The following SPECC1L variants were observed in gnomAD, a reference collection of about 807,000 sequenced individuals.
SPECC1L encodes the protein cytospin-A.
In SPECC1L, 40 loss-of-function variants were observed where a neutral mutation model predicts 116.8. The observed-to-expected ratio is 0.34, with a 90% CI of 0.27 to 0.45. The LOEUF is 0.45. SPECC1L is among the 20% of genes least tolerant of loss of function. The probability of loss-of-function intolerance (pLI) is 1.00; values close to 1 mark genes in which losing one functional copy is unlikely to be tolerated. For synonymous variants in SPECC1L, 504 were observed against 500.6 expected (o/e 1.01, Z -0.09); for missense variants, 1,110 against 1,373.6 (o/e 0.81, Z 3.03).
chr22:24,343,722 A>G (rs549993099), intron 10 of SPECC1L: 4 of 169,114 alleles, frequency 2.4e-5, no homozygotes, highest in South Asian at 2.0e-4. Context: ...CGGCCTCCCA[A>G]AGTGAGCCAC....
intron 3 of SPECC1L, among the ~76,000 whole-genome samples, chr22:24,302,645 G>A (rs2049404463): frequency 6.6e-6 from 1 of 152,168 alleles, no homozygotes; most frequent in African/African-American, 2.4e-5. Flanking sequence ...TGTGTGAGCT[G>A]GAGGTACAGT....
At chr22:24,291,941 T>C (rs2049164222) in intron 2 of SPECC1L, among the ~76,000 whole-genome samples, 1 of 152,170 alleles carries the variant, frequency 6.6e-6, no homozygotes, top group Admixed American at 6.5e-5. Flanking sequence ...ATTTAAATGG[T>C]TTTAAATAGC....
At chr22:24,412,396 G>A (rs564195553) in intron 15 of SPECC1L, 7 of 581,010 alleles carry the variant, frequency 1.2e-5, no homozygotes, top group African/African-American at 1.1e-4. Context: ...GGCAGAAGTA[G>A]GATTCTTCAG....
At chr22:24,379,925 A>C (rs929353573) in intron 14 of SPECC1L, among the ~76,000 whole-genome samples, 4 of 152,200 alleles carry the variant, frequency 2.6e-5, no homozygotes, top group African/African-American at 9.6e-5. Flanking sequence ...GTGCAATGGC[A>C]CAATCTCGGC....
chr22:24,380,534 T>G (rs1399673175), intron 14 of SPECC1L, among the ~76,000 whole-genome samples: 1 of 152,216 alleles, frequency 6.6e-6, no homozygotes, highest in Non-Finnish European at 1.5e-5. Flanking sequence ...TTTCGTTAAC[T>G]CTCTTAAGAG....
chr22:24,388,852 G>T (rs371378882), intron 14 of SPECC1L, among the ~76,000 whole-genome samples: 22 of 151,984 alleles, frequency 1.4e-4, no homozygotes, highest in African/African-American at 4.8e-4. Flanking sequence ...TACAACTCCC[G>T]TACCATACAA....
chr22:24,273,100 T>A (rs1257348653), intron 1 of SPECC1L, among the ~76,000 whole-genome samples: 2 of 152,226 alleles, frequency 1.3e-5, no homozygotes, highest in Non-Finnish European at 2.9e-5. Flanking sequence ...TGTATCAAAA[T>A]TTCTGTTTCA....
At position 24,393,434 on chromosome 22, in the gene SPECC1L, A is replaced by G. The variant is rs372562566; in HGVS notation, c.3088-18154A>G. Among the ~76,000 whole-genome samples the G allele has an allele frequency of 2.0e-5, 3 of 152,156 alleles. No individual in the cohort carries two copies. In the South Asian group the frequency reaches 6.2e-4, roughly 32 times the overall value. The stretch of plus-strand genomic sequence containing the variant: ...CTTTCTAGTGATTCACCTAAGATTT[A>G]GCTTATACCCTGGAACACACAAGAT... On this transcript the variant is annotated intron_variant, in intron 14 of 16. Coordinates refer to ENST00000314328, the MANE Select transcript of SPECC1L (RefSeq NM_015330.6).
intron 3 of SPECC1L, among the ~76,000 whole-genome samples, chr22:24,309,136 G>GACAC (rs138903918): frequency 0.17 from 25,329 of 150,906 alleles, 2,544 homozygotes; most frequent in Admixed American, 0.23. Context: ...TTGCTTTTGG[G>GACAC]ACACACACAC....
At chr22:24,373,890 A>G (rs1475565268) in intron 14 of SPECC1L, among the ~76,000 whole-genome samples, 1 of 152,226 alleles carries the variant, frequency 6.6e-6, no homozygotes, top group Non-Finnish European at 1.5e-5. Context: ...ACAAAGGGCT[A>G]ATATCCAGAA....
chr22:24,297,096 C>T (rs1466964113), intron 2 of SPECC1L, among the ~76,000 whole-genome samples: 58 of 148,780 alleles, frequency 3.9e-4, no homozygotes, highest in African/African-American at 1.4e-3. Context: ...CCACCACGCT[C>T]GGCTAATTTT....
At chr22:24,328,971 T>G in intron 7 of SPECC1L, 52 bp downstream of exon 7, 1 of 1,323,618 alleles carries the variant, frequency 7.6e-7, no homozygotes. Context: ...TTCTGAAATC[T>G]GAGGTGTAGT....
intron 11 of SPECC1L, among the ~76,000 whole-genome samples, chr22:24,351,208 G>A (rs1569431133): frequency 6.6e-6 from 1 of 152,192 alleles, no homozygotes; most frequent in Non-Finnish European, 1.5e-5. Context: ...AATATAGAAT[G>A]TTGGGCCTCC....
intron 16 of SPECC1L, among the ~76,000 whole-genome samples, chr22:24,413,850 G>A (rs1338773826): frequency 3.3e-5 from 5 of 152,120 alleles, no homozygotes; most frequent in East Asian, 1.9e-4. Flanking sequence ...TCCTGTGCTC[G>A]TCACCCATGG....
chr22:24,317,621 C>T (rs1164108527), intron 4 of SPECC1L, among the ~76,000 whole-genome samples: 4 of 150,588 alleles, frequency 2.7e-5, no homozygotes, highest in South Asian at 2.1e-4. Flanking sequence ...CTGATCCCCC[C>T]ACCTCCCTCC....
chr22:24,405,330 A>G (rs906155549), intron 14 of SPECC1L, among the ~76,000 whole-genome samples: 2 of 151,950 alleles, frequency 1.3e-5, no homozygotes, highest in Admixed American at 1.3e-4. Context: ...ATGTGCAGCA[A>G]CACATGGAGC....
At position 24,283,070 on chromosome 22, in the gene SPECC1L, G is replaced by T. The variant is rs145426854; in HGVS notation, c.-38+6267G>T. ...TGGGATTACAGGCGTGAGTCACTGT[G>T]CCTGGCCGATAACTTTGTTTTTTTT... On this transcript the variant is annotated intron_variant, in intron 2 of 16. Coordinates refer to ENST00000314328, the MANE Select transcript of SPECC1L (RefSeq NM_015330.6). Among the ~76,000 whole-genome samples the T allele has an allele frequency of 2.0e-3, 295 of 151,124 alleles. 1 individual carries two copies. Among genetic ancestry groups the T allele is most frequent in the African/African-American group, 7.0e-3 (288 of 41,088 alleles).
chr22:24,307,170 G>A (rs1459497873), intron 3 of SPECC1L, among the ~76,000 whole-genome samples: 2 of 152,184 alleles, frequency 1.3e-5, no homozygotes, highest in South Asian at 4.1e-4. Flanking sequence ...GTATATACCC[G>A]TAGGTGGAAT....
chr22:24,375,361 G>T (rs1269005916), intron 14 of SPECC1L, among the ~76,000 whole-genome samples: 2 of 151,914 alleles, frequency 1.3e-5, no homozygotes, highest in African/African-American at 2.4e-5. Flanking sequence ...AACGGAAAAA[G>T]ATATTACAAA....
Sources: gnomAD v4.1 joint callset for allele counts (sites outside exome capture counted in the v4.1 genomes callset) on GRCh38, gnomAD v4.1.1 for gene constraint, MANE v1.5 for transcripts, NCBI Gene and HGNC (gene_info 2026-07-23, HGNC 2026-07-21) for gene names.